Variants in SGCZ observed in about 807,000 individuals in gnomAD.
SGCZ encodes the protein sarcoglycan zeta.
SGCZ carries 40 observed loss-of-function variants against 41.3 expected under a neutral mutation model. That is an observed-to-expected ratio of 0.97 (90% CI 0.75 to 1.26). SGCZ has a LOEUF of 1.26. Among genes scored for constraint, SGCZ ranks in the 50% most tolerant of loss-of-function variants. SGCZ has a pLI of 0.00. For missense variants in SGCZ, 552 were observed against 369.8 expected, an observed-to-expected ratio of 1.49 and a Z score of -4.04; for synonymous variants, 206 against 137.5, an observed-to-expected ratio of 1.50 and a Z score of -3.49.
At chr8:14,771,714 C>G (rs1234027698) in intron 1 of SGCZ, among the ~76,000 whole-genome samples, 1 of 151,892 alleles carries the variant, frequency 6.6e-6, no homozygotes, top group Non-Finnish European at 1.5e-5. Context: ...GTTCTCTTCA[C>G]GAAGATAAGA....
intron 1 of SGCZ, among the ~76,000 whole-genome samples, chr8:15,044,815 G>C (rs918810111): frequency 2.6e-5 from 4 of 152,176 alleles, no homozygotes; most frequent in African/African-American, 7.2e-5. Flanking sequence ...CACAGCTTGA[G>C]TGAAGACAAG....
chr8:14,096,738 C>A (rs1339004230), intron 7 of SGCZ, among the ~76,000 whole-genome samples: 1 of 152,010 alleles, frequency 6.6e-6, no homozygotes, highest in Non-Finnish European at 1.5e-5. Context: ...TGGTCCAGAA[C>A]TTTTTTTGGT....
intron 2 of SGCZ, among the ~76,000 whole-genome samples, chr8:14,359,438 C>T (rs1010475052): frequency 3.9e-5 from 6 of 151,946 alleles, no homozygotes; most frequent in East Asian, 1.9e-4. Flanking sequence ...TTCTTCTTCT[C>T]GGTGCACACA....
chr8:15,099,833 A>T (rs1203610227), intron 1 of SGCZ, among the ~76,000 whole-genome samples: 1 of 152,178 alleles, frequency 6.6e-6, no homozygotes, highest in African/African-American at 2.4e-5. Context: ...TCACATTAAC[A>T]GGCTAAAGAG....
intron 4 of SGCZ, among the ~76,000 whole-genome samples, chr8:14,214,662 T>A (rs1404710003): frequency 6.6e-6 from 1 of 151,956 alleles, no homozygotes; most frequent in Non-Finnish European, 1.5e-5. Context: ...ATAGGTATAT[T>A]GAAAGTATGG....
chr8:15,208,439 G>A (rs887584051), intron 1 of SGCZ, among the ~76,000 whole-genome samples: 1 of 152,090 alleles, frequency 6.6e-6, no homozygotes, highest in Admixed American at 6.5e-5. Flanking sequence ...GTGTTTTCCA[G>A]AAATGAGTTT....
intron 1 of SGCZ, among the ~76,000 whole-genome samples, chr8:15,114,532 T>G (rs532487831): frequency 7.9e-5 from 12 of 152,200 alleles, no homozygotes; most frequent in Non-Finnish European, 1.3e-4. Context: ...TGAATCACTA[T>G]TTGATTAACA....
At chr8:14,794,210 C>T (rs1341368533) in intron 1 of SGCZ, among the ~76,000 whole-genome samples, 1 of 152,044 alleles carries the variant, frequency 6.6e-6, no homozygotes, top group African/African-American at 2.4e-5. Flanking sequence ...AAACCAAAGT[C>T]TCTGATGTGG....
At chr8:14,681,741 C>G (rs1044964479) in intron 1 of SGCZ, among the ~76,000 whole-genome samples, 15 of 152,150 alleles carry the variant, frequency 9.9e-5, no homozygotes, top group South Asian at 2.1e-4. Flanking sequence ...TTTCATCAAC[C>G]CTTCTTCTTG....
intron 1 of SGCZ, among the ~76,000 whole-genome samples, chr8:14,657,156 T>C (rs1033764036): frequency 2.6e-5 from 4 of 152,088 alleles, no homozygotes; most frequent in African/African-American, 7.2e-5. Context: ...ATCTTCCTTT[T>C]GTGTTCAGTC....
rs147997689 is a variant in SGCZ at position 14,094,693 on chromosome 8, T to A, written c.745-4056A>T. Among the ~76,000 whole-genome samples, 81 of 152,256 alleles carry A rather than the reference T, an allele frequency of 5.3e-4. 1 individual carries two copies. The East Asian group carries it at 0.015, about 28-fold the overall frequency. ...GTCAAATGGTATTCCTGGTTCTAGA[T>A]CCTTGAGGAATCTCCGCACTGTCTT... is the stretch of plus-strand genomic sequence containing the variant. On this transcript the variant is annotated intron_variant, in intron 7 of 7. Transcript: ENST00000382080.
intron 1 of SGCZ, among the ~76,000 whole-genome samples, chr8:15,044,458 A>G (rs1276735262): frequency 6.6e-6 from 1 of 152,138 alleles, no homozygotes; most frequent in South Asian, 2.1e-4. Context: ...AAAATATTTC[A>G]CTTACGAATA....
At chr8:14,245,481 C>T (rs534093848) in intron 3 of SGCZ, among the ~76,000 whole-genome samples, 4 of 152,260 alleles carry the variant, frequency 2.6e-5, no homozygotes, top group African/African-American at 7.2e-5. Flanking sequence ...AGATCTAAAA[C>T]CATAAATACC....
intron 1 of SGCZ, among the ~76,000 whole-genome samples, chr8:14,867,771 A>T (rs181580551): frequency 2.6e-5 from 4 of 152,070 alleles, no homozygotes; most frequent in African/African-American, 9.7e-5. Flanking sequence ...TGGAGGGTGG[A>T]GAGTGGGAGA....
intron 2 of SGCZ, among the ~76,000 whole-genome samples, chr8:14,381,246 G>C (rs1305142123): frequency 6.6e-6 from 1 of 152,190 alleles, no homozygotes; most frequent in Admixed American, 6.5e-5. Flanking sequence ...CTTGAACAAA[G>C]ACATATATAA....
At chr8:14,602,827 C>G (rs1805635817) in intron 1 of SGCZ, among the ~76,000 whole-genome samples, 1 of 152,128 alleles carries the variant, frequency 6.6e-6, no homozygotes. Flanking sequence ...TAATCACCAC[C>G]TCTCAGCTGA....
intron 5 of SGCZ, among the ~76,000 whole-genome samples, chr8:14,141,929 A>ATGAT (rs1402931515): frequency 6.6e-6 from 1 of 152,254 alleles, no homozygotes; most frequent in Non-Finnish European, 1.5e-5. Flanking sequence ...ATGTCCAACA[A>ATGAT]TGATAGACTG....
intron 3 of SGCZ, among the ~76,000 whole-genome samples, chr8:14,293,125 CT>C (rs1371853849): frequency 6.6e-6 from 1 of 151,786 alleles, no homozygotes; most frequent in Non-Finnish European, 1.5e-5. Flanking sequence ...TCCTTGTAAG[CT>C]TAAATGGAGT....
In SGCZ at chr8:14,087,089, A is replaced by G. The variant is rs567676711; in HGVS notation, c.*3354T>C. ...TGAAGTACTGTAATCTAAGATTCCT[A>G]AGTTACAGTAAAATTTGAGGTGTAT... On this transcript the variant is annotated 3_prime_UTR_variant, in exon 8 of 8. Transcript: ENST00000382080. Among the ~76,000 whole-genome samples, 4 of 151,770 alleles carry G rather than the reference A, an allele frequency of 2.6e-5. No individual in the cohort carries two copies. In the South Asian group the frequency reaches 8.3e-4, roughly 31 times the overall value.
Sources: allele counts gnomAD v4.1 joint callset (sites outside exome capture counted in the v4.1 genomes callset), GRCh38; gene constraint gnomAD v4.1.1; transcripts MANE v1.5; gene names NCBI Gene and HGNC (gene_info 2026-07-23, HGNC 2026-07-21).